The following TPRG1 variants were observed in gnomAD, a reference collection of about 807,000 sequenced individuals.
The protein encoded by TPRG1 is tumor protein p63-regulated gene 1 protein.
Under a neutral mutation model 29.3 loss-of-function variants are expected in TPRG1, and 29 were observed. The ratio of observed to expected loss-of-function variants is 0.99; its 90% confidence interval spans 0.74 to 1.35. The LOEUF (loss-of-function observed/expected upper bound fraction) is 1.35. Ranked by LOEUF, TPRG1 falls within the 40% of genes most tolerant of loss-of-function variation. TPRG1 has a pLI of 0.00. For missense variants in TPRG1, 327 were observed against 335.0 expected, an observed-to-expected ratio of 0.98 and a Z score of 0.19; for synonymous variants, 130 against 116.8, an observed-to-expected ratio of 1.11 and a Z score of -0.73.
intron 2 of TPRG1, among the ~76,000 whole-genome samples, chr3:189,002,970 T>C (rs1712104418): frequency 6.6e-6 from 1 of 152,314 alleles, no homozygotes; most frequent in South Asian, 2.1e-4. Flanking sequence ...AGCTTATATA[T>C]AGTAAGAACT....
intron 1 of TPRG1, among the ~76,000 whole-genome samples, chr3:189,203,561 G>C (rs1032371633): frequency 1.3e-5 from 2 of 152,116 alleles, no homozygotes; most frequent in African/African-American, 2.4e-5. Flanking sequence ...TGCAATGTTT[G>C]CGTGTTATTT....
At chr3:189,117,601 T>A (rs1022318423) in intron 1 of TPRG1, among the ~76,000 whole-genome samples, 1 of 152,204 alleles carries the variant, frequency 6.6e-6, no homozygotes, top group African/African-American at 2.4e-5. Flanking sequence ...TCCTGTGTCA[T>A]GGGAGGGACC....
chr3:189,280,432 C>T (rs973583767), intron 4 of TPRG1, among the ~76,000 whole-genome samples: 2 of 152,128 alleles, frequency 1.3e-5, no homozygotes, highest in South Asian at 2.1e-4. Context: ...AGAGGAGACT[C>T]AGTTCATATA....
chr3:189,250,724 G>A (rs1231176980), intron 4 of TPRG1, among the ~76,000 whole-genome samples: 2 of 140,286 alleles, frequency 1.4e-5, no homozygotes, highest in Admixed American at 1.5e-4. Context: ...AGCCTGGACA[G>A]AGTCTGAGCA....
intron 4 of TPRG1, among the ~76,000 whole-genome samples, chr3:189,048,992 G>A (rs1479303025): frequency 2.6e-5 from 4 of 152,158 alleles, no homozygotes; most frequent in Non-Finnish European, 5.9e-5. Context: ...TTGAGAGCTC[G>A]CTTGGTCCCC....
chr3:189,309,582 G>A (rs755907193), intron 4 of TPRG1, among the ~76,000 whole-genome samples: 50 of 152,108 alleles, frequency 3.3e-4, no homozygotes, highest in Non-Finnish European at 6.9e-4. Flanking sequence ...AATTCTGATG[G>A]ACACATGCAA....
At chr3:189,294,137 TAG>T (rs1212573646) in intron 4 of TPRG1, among the ~76,000 whole-genome samples, 5 of 152,214 alleles carry the variant, frequency 3.3e-5, no homozygotes, top group Admixed American at 2.0e-4. Flanking sequence ...AATGTCTCAT[TAG>T]CTTACTTTTC....
At chr3:189,059,211 A>C (rs541415067) in intron 4 of TPRG1, among the ~76,000 whole-genome samples, 10 of 152,332 alleles carry the variant, frequency 6.6e-5, no homozygotes, top group African/African-American at 1.9e-4. Flanking sequence ...TAAGACAGTA[A>C]GAATAACTAA....
At chr3:189,037,727 T>G (rs943846260) in intron 4 of TPRG1, among the ~76,000 whole-genome samples, 2 of 151,892 alleles carry the variant, frequency 1.3e-5, no homozygotes. Context: ...TCCAAGATTT[T>G]GTATACAACT....
chr3:189,136,950 G>A (rs761354808), intron 3 of TPRG1, among the ~76,000 whole-genome samples: 5 of 152,146 alleles, frequency 3.3e-5, no homozygotes, highest in Non-Finnish European at 7.3e-5. Flanking sequence ...TAGGATAGGT[G>A]TATGGAGACA....
At chr3:189,134,393 T>TG (rs968311223) in intron 3 of TPRG1, among the ~76,000 whole-genome samples, 6 of 143,192 alleles carry the variant, frequency 4.2e-5, no homozygotes, top group Non-Finnish European at 9.2e-5. Flanking sequence ...GAATAAGCAG[T>TG]GGGGGTATCC....
At chr3:189,234,257 A>G (rs929238183) in intron 3 of TPRG1, among the ~76,000 whole-genome samples, 1 of 152,240 alleles carries the variant, frequency 6.6e-6, no homozygotes, top group African/African-American at 2.4e-5. Flanking sequence ...TGGAATAGAC[A>G]GCATTTAAGC....
intron 4 of TPRG1, among the ~76,000 whole-genome samples, chr3:189,080,299 A>G (rs1048586816): frequency 6.6e-6 from 1 of 152,102 alleles, no homozygotes; most frequent in African/African-American, 2.4e-5. Context: ...GAGAACAAAG[A>G]CCACTCCTCA....
At chr3:189,290,251 C>T (rs137970524) in intron 4 of TPRG1, among the ~76,000 whole-genome samples, 11 of 152,252 alleles carry the variant, frequency 7.2e-5, no homozygotes, top group African/African-American at 2.4e-4. Context: ...AAATCAGACA[C>T]GTTGATTTTT....
intron 1 of TPRG1, among the ~76,000 whole-genome samples, chr3:189,175,517 C>T (rs1024942807): frequency 2.6e-5 from 4 of 152,082 alleles, no homozygotes; most frequent in African/African-American, 9.7e-5. Flanking sequence ...CGGCTATTGA[C>T]CAGACATTAG....
chr3:189,086,127 C>T (rs1268545600), intron 4 of TPRG1, among the ~76,000 whole-genome samples: 1 of 152,048 alleles, frequency 6.6e-6, no homozygotes, highest in African/African-American at 2.4e-5. Flanking sequence ...GAGCCCCTGG[C>T]AAACCACTAG....
chr3:189,257,900 T>C (rs1712192454), intron 4 of TPRG1, among the ~76,000 whole-genome samples: 1 of 152,224 alleles, frequency 6.6e-6, no homozygotes, highest in African/African-American at 2.4e-5. Context: ...GCAGTTCCTG[T>C]AGCCTTTTAT....
At chr3:189,096,832 C>T (rs2152185209), upstream of TPRG1, among the ~76,000 whole-genome samples, 1 of 152,266 alleles carries the variant, frequency 6.6e-6, no homozygotes, top group Non-Finnish European at 1.5e-5. Context: ...CTGCCTTATA[C>T]AGACGTATAA....
rs1308968940 is a variant in TPRG1, at chr3:189,321,481, G to A, written c.*661G>A. On this transcript the variant is annotated 3_prime_UTR_variant, in exon 6 of 6. Transcript: ENST00000345063. Reference sequence around the variant, plus strand: ...CCTATATATGATCACATCTCTATACGGCTTAGCATTGTATTCCGATGCCCA... The same window carrying A: ...CCTATATATGATCACATCTCTATACAGCTTAGCATTGTATTCCGATGCCCA... The A allele has an allele frequency of 6.6e-6, 1 of 151,780 alleles. No homozygotes were observed. Among genetic ancestry groups the A allele is most frequent in the Non-Finnish European group, 1.5e-5 (1 of 67,952 alleles). The allele number at this position is 151,780 out of a possible 1,614,324, so 9.4% of individuals were successfully genotyped here.
Sources: allele counts gnomAD v4.1 joint callset (sites outside exome capture counted in the v4.1 genomes callset), GRCh38; gene constraint gnomAD v4.1.1; transcripts MANE v1.5; gene names NCBI Gene and HGNC (gene_info 2026-07-23, HGNC 2026-07-21).